The following HACE1 variants were observed in gnomAD, a reference collection of about 807,000 sequenced individuals.
HACE1 encodes the protein HECT domain and ankyrin repeat containing E3 ubiquitin protein ligase 1.
HACE1 carries 73 observed loss-of-function variants against 118.4 expected under a neutral mutation model. That is an observed-to-expected ratio of 0.62 (90% confidence interval 0.51 to 0.75). HACE1 has a LOEUF of 0.75. Among genes scored for constraint, HACE1 ranks in the 30% least tolerant of loss-of-function variants. HACE1 has a pLI of 0.00. For missense variants in HACE1, 749 were observed against 1,102.2 expected, an observed-to-expected ratio of 0.68 and a Z score of 4.54; for synonymous variants, 368 against 374.8, an observed-to-expected ratio of 0.98 and a Z score of 0.21.
At chr6:104,784,212 T>G (rs753470173) in intron 13 of HACE1, 39 bp from the exon 14 acceptor site, 1 of 1,141,962 alleles carries the variant, frequency 8.8e-7, no homozygotes, top group Non-Finnish European at 1.3e-6. Context: ...ACAGGAAGAA[T>G]GAGTAGCATT....
intron 6 of HACE1, among the ~76,000 whole-genome samples, chr6:104,830,972 G>A (rs1323644654): frequency 6.6e-6 from 1 of 151,628 alleles, no homozygotes; most frequent in African/African-American, 2.4e-5. Flanking sequence ...ACAACTCCTG[G>A]GCAAAGGGAT....
intron 22 of HACE1, among the ~76,000 whole-genome samples, chr6:104,735,951 G>T (rs1228026408): frequency 1.3e-5 from 2 of 151,702 alleles, no homozygotes; most frequent in African/African-American, 4.8e-5. Flanking sequence ...GTAACATATT[G>T]CTAAATTCAA....
chr6:104,780,290 A>C, intron 14 of HACE1: 2 of 418,968 alleles, frequency 4.8e-6, no homozygotes, highest in Middle Eastern at 3.5e-4. Context: ...AAACACACAC[A>C]CACACATACA....
intron 7 of HACE1, among the ~76,000 whole-genome samples, chr6:104,798,847 C>T (rs945448471): frequency 4.5e-4 from 69 of 152,296 alleles, no homozygotes; most frequent in African/African-American, 1.4e-3. Context: ...TCTTATAAAA[C>T]TGCTGAGTTC....
In HACE1 at chr6:104,737,682, C is replaced by G. The variant is rs1226607241; in HGVS notation, c.2513+6478G>C. Among the ~76,000 whole-genome samples the G allele has an allele frequency of 5.9e-5, 9 of 152,302 alleles. No individual in the cohort carries two copies. The South Asian group carries it at 6.2e-4, about 11-fold the overall frequency. On this transcript the variant is annotated intron_variant, in intron 22 of 23. Transcript: ENST00000262903. The stretch of plus-strand genomic sequence containing the variant: ...GCACCTGGCTCGGAGGGTCCTACCC[C>G]ACGGAGTCTCGCTGATTGCTAGCAC...
Position 104,859,560 on chromosome 6 carries a change from G to A in HACE1, c.76+7C>T, listed in dbSNP as rs2499655. 770,680 of 1,513,714 alleles carry A rather than the reference G, an allele frequency of 0.51. 201,009 individuals carry two copies. The highest frequency in any genetic ancestry group is 0.59 in the East Asian group (22,491 of 38,112). 93.8% of individuals were successfully genotyped at this position (1,513,714 alleles called of 1,614,324 possible). ...CGCGGCCAGCCTGGCCCCGCGACCC[G>A]GCTCACCCTCGGGCAACTCCACGGT... is the stretch of plus-strand genomic sequence containing the variant. On this transcript the variant is annotated splice_region_variant and intron_variant, in intron 1 of 23. Coordinates refer to ENST00000262903, the MANE Select transcript of HACE1 (RefSeq NM_020771.4).
intron 4 of HACE1, among the ~76,000 whole-genome samples, chr6:104,847,411 G>T (rs1582763609): frequency 1.3e-5 from 2 of 152,190 alleles, no homozygotes; most frequent in East Asian, 3.9e-4. Context: ...CTATGACCTT[G>T]GGTGTGACAC....
chr6:104,854,361 T>C (rs989017413), intron 1 of HACE1, among the ~76,000 whole-genome samples: 3 of 152,202 alleles, frequency 2.0e-5, no homozygotes, highest in Non-Finnish European at 4.4e-5. Context: ...GTTAATAGTA[T>C]ACACAAATGT....
At chr6:104,739,980 G>C (rs1236723819) in intron 22 of HACE1, among the ~76,000 whole-genome samples, 1 of 151,474 alleles carries the variant, frequency 6.6e-6, no homozygotes, top group Non-Finnish European at 1.5e-5. Context: ...TCAGACCACA[G>C]TGCAATCAAA....
In HACE1 at chr6:104,736,665, T is replaced by C. The variant is rs187880431; in HGVS notation, c.2514-6249A>G. ...ACAATTCAGAGTAATAATTCCTCGTTTTAGTTATCTCTAAGCCACAAAAAC... is the reference window on the plus strand; with the variant it reads ...ACAATTCAGAGTAATAATTCCTCGTCTTAGTTATCTCTAAGCCACAAAAAC... On this transcript the variant is annotated intron_variant, in intron 22 of 23. Transcript: ENST00000262903. Among the ~76,000 whole-genome samples the C allele has an allele frequency of 1.2e-3, 185 of 152,304 alleles. 3 individuals carry two copies. The highest frequency in any genetic ancestry group is 4.2e-3 in the African/African-American group (174 of 41,582).
At chr6:104,757,608 G>T (rs1195476284) in intron 19 of HACE1, among the ~76,000 whole-genome samples, 1 of 152,184 alleles carries the variant, frequency 6.6e-6, no homozygotes. Context: ...CAGAAAGGCT[G>T]AAAATACCAA....
intron 5 of HACE1, among the ~76,000 whole-genome samples, chr6:104,842,903 G>C (rs1562493488): frequency 6.6e-6 from 1 of 152,164 alleles, no homozygotes; most frequent in Non-Finnish European, 1.5e-5. Context: ...CTTGAGGCCA[G>C]AAGTTAGAAA....
At position 104,852,376 on chromosome 6, in the gene HACE1, G is replaced by A. The variant is rs1264577656; in HGVS notation, c.77-5C>T. 1 of 1,477,208 alleles carries A rather than the reference G, an allele frequency of 6.8e-7. No homozygotes were observed. Among genetic ancestry groups the A allele is most frequent in the Admixed American group, 1.9e-5 (1 of 53,596 alleles). 91.5% of individuals were successfully genotyped at this position (1,477,208 alleles called of 1,614,324 possible). A position where few individuals can be genotyped will look rare whatever the true frequency, so the allele number is the denominator to read the frequency against. On this transcript the variant is annotated splice_polypyrimidine_tract_variant and splice_region_variant and intron_variant, in intron 1 of 23. Transcript: ENST00000262903. ...TATAAACAGCAGTTTCATTATCTGA[G>A]TAAAAAAAAACAAAGAGTTCATTTA... is the stretch of plus-strand genomic sequence containing the variant.
intron 19 of HACE1, among the ~76,000 whole-genome samples, chr6:104,756,671 G>A (rs997336663): frequency 5.9e-5 from 9 of 152,038 alleles, no homozygotes; most frequent in Non-Finnish European, 1.3e-4. Flanking sequence ...TGAGGTGACT[G>A]GTTCAACTCA....
chr6:104,821,413 A>G (rs1395471407), intron 6 of HACE1, among the ~76,000 whole-genome samples: 1 of 152,158 alleles, frequency 6.6e-6, no homozygotes, highest in East Asian at 1.9e-4. Context: ...AAGCCAATAC[A>G]CTGAAAATAT....
chr6:104,797,231 T>A (rs1017017645), intron 7 of HACE1, among the ~76,000 whole-genome samples: 2 of 152,122 alleles, frequency 1.3e-5, no homozygotes, highest in South Asian at 4.1e-4. Flanking sequence ...CCTATTAAAT[T>A]TTAGAACTGA....
At chr6:104,804,518 G>C (rs1448062852) in intron 7 of HACE1, among the ~76,000 whole-genome samples, 1 of 152,000 alleles carries the variant, frequency 6.6e-6, no homozygotes, top group East Asian at 1.9e-4. Context: ...AAGAGATATA[G>C]ACCAATGGAA....
At chr6:104,764,363 C>CCACT (rs1779740020) in intron 19 of HACE1, among the ~76,000 whole-genome samples, 1 of 152,150 alleles carries the variant, frequency 6.6e-6, no homozygotes, top group Non-Finnish European at 1.5e-5. Context: ...CAGGTGTGAG[C>CCACT]CACTATGCCC....
intron 4 of HACE1, among the ~76,000 whole-genome samples, chr6:104,844,662 C>CTT (rs775303598): frequency 9.5e-5 from 13 of 136,714 alleles, no homozygotes; most frequent in African/African-American, 2.8e-4. Flanking sequence ...CCATCACAAC[C>CTT]TTTTTTTTTT....
Sources: gnomAD v4.1 joint callset for allele counts (sites outside exome capture counted in the v4.1 genomes callset) on GRCh38, gnomAD v4.1.1 for gene constraint, MANE v1.5 for transcripts, NCBI Gene and HGNC (gene_info 2026-07-23, HGNC 2026-07-21) for gene names.